Variants in FIGLA observed in about 807,000 individuals in gnomAD.
FIGLA encodes folliculogenesis specific bHLH transcription factor.
FIGLA carries 17 observed loss-of-function variants against 21.5 expected under a neutral mutation model. The ratio of observed to expected loss-of-function variants is 0.79; its 90% confidence interval spans 0.54 to 1.19. FIGLA has a LOEUF of 1.19. Ranked by LOEUF, FIGLA falls within the 50% of genes most tolerant of loss-of-function variation. The probability of loss-of-function intolerance (pLI) is 0.00; values close to 1 mark genes in which losing one functional copy is unlikely to be tolerated. For missense variants in FIGLA, 282 were observed against 285.0 expected (o/e 0.99, Z 0.08); for synonymous variants, 129 against 117.6 (o/e 1.10, Z -0.63).
At chr2:70,789,036 T>C (rs1167135005) in intron 1 of FIGLA, among the ~76,000 whole-genome samples, 4 of 152,196 alleles carry the variant, frequency 2.6e-5, no homozygotes, top group African/African-American at 9.6e-5. Flanking sequence ...GGTCCATTTT[T>C]GGACAGACTA....
chr2:70,782,575 G>A (rs1360545373), intron 3 of FIGLA, among the ~76,000 whole-genome samples: 1 of 152,186 alleles, frequency 6.6e-6, no homozygotes, highest in Admixed American at 6.5e-5. Context: ...TGGCGGTAAC[G>A]CCGCAACATT....
At position 70,790,401 on chromosome 2, in the gene FIGLA, C is replaced by A; in HGVS notation, c.231+7G>T. 1 of 1,528,816 alleles carries A rather than the reference C, an allele frequency of 6.5e-7. No individual in the cohort carries two copies. The highest frequency in any genetic ancestry group is 8.8e-7 in the Non-Finnish European group (1 of 1,138,260). The allele number at this position is 1,528,816 out of a possible 1,614,324, so 94.7% of individuals were successfully genotyped here. ...GGGAACGGACGTCGACCCTAGGGAT[C>A]CCTCACCCGCTCACGCTCCTTGGCG... On this transcript the variant is annotated splice_region_variant and intron_variant, in intron 1 of 4. Transcript: ENST00000332372.
In FIGLA at chr2:70,777,393, G is replaced by A; in HGVS notation, c.645-11C>T. On this transcript the variant is annotated splice_polypyrimidine_tract_variant and intron_variant, in intron 4 of 4. Transcript: ENST00000332372. ...CATACTTGTGGAAGTCTGAAACAGA[G>A]AAAACATTCCATTATAAATAGTTAA... 6.8e-7 allele frequency: 1 copy of A among 1,476,042 alleles called. No homozygotes were observed. Among genetic ancestry groups the A allele is most frequent in the South Asian group, 1.4e-5 (1 of 70,986 alleles). The allele number at this position is 1,476,042 out of a possible 1,614,324, so 91.4% of individuals were successfully genotyped here. A position where few individuals can be genotyped will look rare whatever the true frequency, so the allele number is the denominator to read the frequency against.
chr2:70,777,344 G>A lies in FIGLA; in HGVS notation c.*23C>T. 6.8e-7 allele frequency: 1 copy of A among 1,464,486 alleles called. No homozygotes were observed. Among genetic ancestry groups the A allele is most frequent in the Non-Finnish European group, 9.1e-7 (1 of 1,094,922 alleles). The allele number at this position is 1,464,486 out of a possible 1,614,324, so 90.7% of individuals were successfully genotyped here. On this transcript the variant is annotated 3_prime_UTR_variant, in exon 5 of 5. Coordinates refer to ENST00000332372, the MANE Select transcript of FIGLA (RefSeq NM_001004311.3). ...GACTGCATTTATTTGTCTCTAGAAG[G>A]TAACCCTGGGCCTTTTCATTTTTCA...
chr2:70,788,032 C>T (rs1553390303), intron 1 of FIGLA, among the ~76,000 whole-genome samples: 1 of 152,190 alleles, frequency 6.6e-6, no homozygotes, highest in Non-Finnish European at 1.5e-5. Context: ...TGTTCATGTT[C>T]ATGCTGAGCT....
intron 3 of FIGLA, among the ~76,000 whole-genome samples, chr2:70,778,322 T>G (rs983189233): frequency 1.3e-5 from 2 of 152,196 alleles, no homozygotes. Context: ...AGGGTGGTTG[T>G]GAAAATTAAA....
Position 70,785,438 on chromosome 2 carries a change from T to G in FIGLA, c.586A>C (p.Ile196Leu). 6.2e-7 allele frequency: 1 copy of G among 1,612,144 alleles called. No homozygotes were observed. The highest frequency in any genetic ancestry group is 1.7e-4 in the Middle Eastern group (1 of 6,060). ...CRHSVMSTTE[I>L]ISPTRSLDRF... ...ACCAGACTTCTGGTTGGGGAGATAA[T>G]TTCAGTCGTAGACATCACACTGTGG... Residue 196 changes from isoleucine (I) to leucine (L), a missense_variant, in exon 3 of 5, where the codon ATT (isoleucine) becomes CTT (leucine). Coordinates refer to ENST00000332372, the MANE Select transcript of FIGLA (RefSeq NM_001004311.3).
chr2:70,784,868 C>A (rs1558598294), intron 3 of FIGLA, among the ~76,000 whole-genome samples: 1 of 146,882 alleles, frequency 6.8e-6, no homozygotes, highest in Non-Finnish European at 1.5e-5. Context: ...CTTTAGTTGA[C>A]AAAGTAATAA....
chr2:70,785,780 G>T, intron 2 of FIGLA, 141 bp from the exon 3 acceptor site: 1 of 694,620 alleles, frequency 1.4e-6, no homozygotes, highest in Admixed American at 2.4e-5. Flanking sequence ...GGAGAGAAAA[G>T]CATTGTTCAA....
At chr2:70,785,365 C>G in intron 3 of FIGLA, 50 bp downstream of exon 3, 2 of 1,385,818 alleles carry the variant, frequency 1.4e-6, no homozygotes, top group Non-Finnish European at 1.0e-6. Flanking sequence ...TCAAAGTATA[C>G]ATTTTAAGGT....
At chr2:70,790,386 G>A in intron 1 of FIGLA, 22 bp downstream of exon 1, 1 of 1,500,032 alleles carries the variant, frequency 6.7e-7, no homozygotes, top group Non-Finnish European at 8.9e-7. Context: ...GGGAACGGAC[G>A]TCGACCCTAG....
At chr2:70,784,000 G>T (rs1450375374) in intron 3 of FIGLA, among the ~76,000 whole-genome samples, 2 of 152,076 alleles carry the variant, frequency 1.3e-5, no homozygotes, top group South Asian at 4.1e-4. Flanking sequence ...CCACTCTTTT[G>T]TTGTTGTTGC....
chr2:70,786,264 G>C (rs1441530442), intron 2 of FIGLA, among the ~76,000 whole-genome samples: 2 of 149,412 alleles, frequency 1.3e-5, no homozygotes, highest in African/African-American at 2.5e-5. Flanking sequence ...GCAGGGAGTG[G>C]GGTGGGGGGT....
At chr2:70,782,252 A>G (rs755189179) in intron 3 of FIGLA, among the ~76,000 whole-genome samples, 8 of 152,246 alleles carry the variant, frequency 5.3e-5, no homozygotes, top group Non-Finnish European at 8.8e-5. Context: ...GAATAAATCA[A>G]AATCTGCCCC....
Position 70,778,082 on chromosome 2 carries a change from C to T in FIGLA, c.610-411G>A, listed in dbSNP as rs147488639. 6.1e-3 allele frequency among the ~76,000 whole-genome samples: 924 copies of T among 152,278 alleles called. 6 individuals are homozygous for T. The highest frequency in any genetic ancestry group is 0.021 in the African/African-American group (873 of 41,546). On this transcript the variant is annotated intron_variant, in intron 3 of 4. Transcript: ENST00000332372. ...TACATCACTGTGGATGGTAAAGCAC[C>T]GCAATCAAATGCTTTAACTTAGCCT...
chr2:70,787,930 A>G (rs1277434923), intron 1 of FIGLA, 129 bp from the exon 2 acceptor site: 3 of 868,672 alleles, frequency 3.5e-6, no homozygotes, highest in South Asian at 1.7e-5. Flanking sequence ...CATATGCCCC[A>G]AAGAGTCAGT....
At position 70,790,389 on chromosome 2, in the gene FIGLA, G is replaced by A. The variant is rs569032899; in HGVS notation, c.231+19C>T. On this transcript the variant is annotated intron_variant, in intron 1 of 4. Coordinates refer to ENST00000332372, the MANE Select transcript of FIGLA (RefSeq NM_001004311.3). ...AGCAGGGAAGGGGGGAACGGACGTC[G>A]ACCCTAGGGATCCCTCACCCGCTCA... is the stretch of plus-strand genomic sequence containing the variant. 8.0e-6 allele frequency: 12 copies of A among 1,500,648 alleles called. No homozygotes were observed. Among genetic ancestry groups the A allele is most frequent in the African/African-American group, 4.3e-5 (3 of 69,998 alleles). 93.0% of individuals were successfully genotyped at this position (1,500,648 alleles called of 1,614,324 possible).
intron 3 of FIGLA, among the ~76,000 whole-genome samples, chr2:70,779,476 GA>G (rs1675818031): frequency 6.6e-6 from 1 of 152,120 alleles, no homozygotes; most frequent in South Asian, 2.1e-4. Flanking sequence ...AGGTGCTAAT[GA>G]ATTCATCCCA....
intron 1 of FIGLA, among the ~76,000 whole-genome samples, chr2:70,788,123 C>A (rs1382216921): frequency 2.0e-5 from 3 of 152,224 alleles, no homozygotes; most frequent in Non-Finnish European, 4.4e-5. Flanking sequence ...GAATTAACTA[C>A]ACCCAGGTTT....
Sources: gnomAD v4.1 joint callset for allele counts (sites outside exome capture counted in the v4.1 genomes callset) on GRCh38, gnomAD v4.1.1 for gene constraint, MANE v1.5 for transcripts, NCBI Gene and HGNC (gene_info 2026-07-23, HGNC 2026-07-21) for gene names.